MRPL13: variants seen among roughly 807,000 people sequenced by gnomAD.
MRPL13 encodes the protein mitochondrial ribosomal protein L13, also known as large ribosomal subunit protein uL13m.
MRPL13 carries 33 observed loss-of-function variants against 29.0 expected under a neutral mutation model. The observed-to-expected ratio is 1.14, with a 90% CI of 0.86 to 1.52. The LOEUF is 1.52. Among genes scored for constraint, MRPL13 ranks in the 40% most tolerant of loss-of-function variants. MRPL13 has a pLI of 0.00. For synonymous variants in MRPL13, 77 were observed against 68.4 expected (o/e 1.13, Z -0.62); for missense variants, 227 against 216.7 (o/e 1.05, Z -0.30).
In MRPL13 at chr8:120,443,194, G is replaced by T; in HGVS notation, c.142C>A (p.His48Asn). The part of the protein sequence containing the change: ...RLQGLHKPVY[H>N]ALSDCGDHVV... ...CTAAAATAATACTTACTCAGTGCATGGTACACAGGTTTATGTAATCCCTGA... is the reference window on the plus strand; with the variant it reads ...CTAAAATAATACTTACTCAGTGCATTGTACACAGGTTTATGTAATCCCTGA... The change falls in exon 2 of 7, where the codon CAT (histidine) becomes AAT (asparagine). Residue 48 changes from histidine (H) to asparagine (N), a missense_variant. Transcript: ENST00000306185. 1 of 1,578,198 alleles carries T rather than the reference G, an allele frequency of 6.3e-7. No individual in the cohort carries two copies. The highest frequency in any genetic ancestry group is 1.2e-5 in the South Asian group (1 of 83,480).
At chr8:120,432,846 C>A (rs895120314) in intron 2 of MRPL13, among the ~76,000 whole-genome samples, 1 of 151,892 alleles carries the variant, frequency 6.6e-6, no homozygotes, top group African/African-American at 2.4e-5. Context: ...AAATAACTGA[C>A]TATACATAAC....
chr8:120,429,908 T>G (rs1586925862), intron 3 of MRPL13, among the ~76,000 whole-genome samples: 1 of 152,152 alleles, frequency 6.6e-6, no homozygotes, highest in Non-Finnish European at 1.5e-5. Flanking sequence ...TACTATATTG[T>G]TTAGGGAATA....
In MRPL13 at chr8:120,395,730, A is replaced by C. The variant is rs766943256; in HGVS notation, c.*374T>G. 14 of 168,594 alleles carry C rather than the reference A, an allele frequency of 8.3e-5. No homozygotes were observed. Among genetic ancestry groups the C allele is most frequent in the Non-Finnish European group, 1.4e-4 (11 of 79,504 alleles). 10.4% of individuals were successfully genotyped at this position (168,594 alleles called of 1,614,324 possible). ...TGAAGGTAGAGCTTGTTCACAAGGG[A>C]CAAGAATAGTGACCTGCAAACTTGA... On this transcript the variant is annotated 3_prime_UTR_variant, in exon 7 of 7. Coordinates refer to ENST00000306185, the MANE Select transcript of MRPL13 (RefSeq NM_014078.6).
At chr8:120,400,418 T>C (rs889824403) in intron 6 of MRPL13, among the ~76,000 whole-genome samples, 1 of 152,080 alleles carries the variant, frequency 6.6e-6, no homozygotes, top group Non-Finnish European at 1.5e-5. Flanking sequence ...AAGGAGTTCT[T>C]TGAAACTAAT....
chr8:120,445,044 C>G, intron 1 of MRPL13, 24 bp downstream of exon 1: 1 of 1,613,790 alleles, frequency 6.2e-7, no homozygotes, highest in South Asian at 1.1e-5. Context: ...TGAACCCCAT[C>G]AAGCCATAAG....
chr8:120,416,359 T>C (rs563774910), intron 5 of MRPL13, among the ~76,000 whole-genome samples: 176 of 152,208 alleles, frequency 1.2e-3, no homozygotes, highest in African/African-American at 4.0e-3. Flanking sequence ...CCGGGCGTGG[T>C]GGCGGGTGCC....
At chr8:120,432,805 A>G (rs1813011624) in intron 2 of MRPL13, among the ~76,000 whole-genome samples, 6 of 152,122 alleles carry the variant, frequency 3.9e-5, no homozygotes, top group Non-Finnish European at 1.5e-5. Flanking sequence ...TTCATCTAAA[A>G]ACAAACTAAA....
chr8:120,398,204 C>G (rs973797079), intron 6 of MRPL13, among the ~76,000 whole-genome samples: 4 of 152,188 alleles, frequency 2.6e-5, no homozygotes, highest in African/African-American at 9.6e-5. Flanking sequence ...GACCTCCCAA[C>G]AGGGGTCTCT....
chr8:120,431,103 G>C (rs901740493), intron 3 of MRPL13, among the ~76,000 whole-genome samples: 16 of 152,118 alleles, frequency 1.1e-4, no homozygotes, highest in African/African-American at 3.9e-4. Flanking sequence ...ATGGGCAAAG[G>C]CTGGCTCAAG....
chr8:120,433,186 T>C lies in MRPL13; in HGVS notation c.152-1063A>G, dbSNP rs149924031. 4.7e-4 allele frequency among the ~76,000 whole-genome samples: 71 copies of C among 152,164 alleles called. 1 individual carries two copies. The highest frequency in any genetic ancestry group is 1.6e-3 in the African/African-American group (66 of 41,526). On this transcript the variant is annotated intron_variant, in intron 2 of 6. Coordinates refer to ENST00000306185, the MANE Select transcript of MRPL13 (RefSeq NM_014078.6). ...TAGATGGAAAAGAATAGTCTGACAA[T>C]GTTTAATTAAATGGTTGAAGTTCCT... is the stretch of plus-strand genomic sequence containing the variant.
At chr8:120,437,909 CATA>C (rs1307705342) in intron 2 of MRPL13, among the ~76,000 whole-genome samples, 2 of 151,998 alleles carry the variant, frequency 1.3e-5, no homozygotes, top group Non-Finnish European at 2.9e-5. Context: ...ATTATAAGCC[CATA>C]ATATTTGCTC....
At chr8:120,407,653 CA>C (rs1333692173) in intron 6 of MRPL13, among the ~76,000 whole-genome samples, 4 of 119,544 alleles carry the variant, frequency 3.3e-5, no homozygotes. Flanking sequence ...CCATCTAAAA[CA>C]AAACAAAACA....
In MRPL13 at chr8:120,431,804, G is replaced by A. The variant is rs118184968; in HGVS notation, c.245+226C>T. ...AACATGAGAATAATCTTGTCCACAG[G>A]TTATATGAAACACTTGTAGGATAAA... On this transcript the variant is annotated intron_variant, in intron 3 of 6. Transcript: ENST00000306185. Among the ~76,000 whole-genome samples, 19 of 152,164 alleles carry A rather than the reference G, an allele frequency of 1.2e-4. No individual in the cohort carries two copies. The East Asian group carries it at 3.5e-3, about 28-fold the overall frequency.
intron 4 of MRPL13, among the ~76,000 whole-genome samples, chr8:120,421,909 A>AT (rs1166586518): frequency 1.3e-5 from 2 of 151,748 alleles, no homozygotes; most frequent in Non-Finnish European, 3.0e-5. Context: ...AACAGCTGTG[A>AT]TATATATTAT....
intron 2 of MRPL13, among the ~76,000 whole-genome samples, chr8:120,437,390 T>C (rs1033777551): frequency 6.6e-5 from 10 of 152,126 alleles, no homozygotes; most frequent in Admixed American, 2.6e-4. Context: ...AGAACAGAAA[T>C]ATTTTAACAT....
chr8:120,420,527 A>G (rs531470171), intron 4 of MRPL13, among the ~76,000 whole-genome samples: 1 of 148,942 alleles, frequency 6.7e-6, no homozygotes, highest in East Asian at 1.9e-4. Flanking sequence ...TGTTAAAATT[A>G]AAAGCAATTA....
In MRPL13 at chr8:120,432,083, G is replaced by A; in HGVS notation, c.192C>T (p.His64=). The A allele has an allele frequency of 6.2e-7, 1 of 1,608,290 alleles. No individual in the cohort carries two copies. Among genetic ancestry groups the A allele is most frequent in the East Asian group, 2.2e-5 (1 of 44,510 alleles). ...GDHVVIMNTR[H]IAFSGNKWEQ... ...CCCATTTGTTTCCAGAAAATGCAAT[G>A]TGTCTTGTGTTCATTATAACAACAT... The change falls in exon 3 of 7, where the codon CAC becomes CAT. Residue 64 remains histidine (H), a synonymous_variant. Transcript: ENST00000306185.
At chr8:120,431,282 C>T (rs1296924125) in intron 3 of MRPL13, among the ~76,000 whole-genome samples, 1 of 152,130 alleles carries the variant, frequency 6.6e-6, no homozygotes, top group Non-Finnish European at 1.5e-5. Flanking sequence ...ATAGAAAGTA[C>T]ACTTAATTAA....
At chr8:120,403,732 C>T (rs1812631822) in intron 6 of MRPL13, among the ~76,000 whole-genome samples, 1 of 152,162 alleles carries the variant, frequency 6.6e-6, no homozygotes, top group Non-Finnish European at 1.5e-5. Context: ...CCAAAAACAA[C>T]TTAATCTACT....
Sources: gnomAD v4.1 joint callset for allele counts (sites outside exome capture counted in the v4.1 genomes callset) on GRCh38, gnomAD v4.1.1 for gene constraint, MANE v1.5 for transcripts, NCBI Gene and HGNC (gene_info 2026-07-23, HGNC 2026-07-21) for gene names.